Variants in SMARCA2 observed in about 807,000 individuals in gnomAD.
The protein encoded by SMARCA2 is SWI/SNF-related matrix-associated actin-dependent regulator of chromatin subfamily A member 2.
Under a neutral mutation model 199.8 loss-of-function variants are expected in SMARCA2, and 61 were observed. That is an observed-to-expected ratio of 0.31 (90% CI 0.25 to 0.38). The LOEUF (loss-of-function observed/expected upper bound fraction) is 0.38, where lower values mean the gene tolerates loss of function less well. Among genes scored for constraint, SMARCA2 ranks in the 10% least tolerant of loss-of-function variants. SMARCA2 has a pLI of 1.00. For synonymous variants in SMARCA2, 935 were observed against 732.0 expected, an observed-to-expected ratio of 1.28 and a Z score of -4.48; for missense variants, 1,344 against 2,012.2, an observed-to-expected ratio of 0.67 and a Z score of 6.35.
rs1471084152 is a variant in SMARCA2 at position 2,169,020 on chromosome 9, A to G, written c.4200-1399A>G. ...ATTCGGAGATGACATGGTCTACTTA[A>G]GCTTCTGTGTCTCCTTGGTCAGCAC... On this transcript the variant is annotated intron_variant, in intron 28 of 33. Transcript: ENST00000349721. The surrounding 1 kb of genome is among the most constrained non-coding windows in gnomAD (Gnocchi z 6.5). 2.0e-5 allele frequency among the ~76,000 whole-genome samples: 3 copies of G among 152,182 alleles called. No individual in the cohort carries two copies. The highest frequency in any genetic ancestry group is 4.4e-5 in the Non-Finnish European group (3 of 68,036).
At position 2,116,031 on chromosome 9, in the gene SMARCA2, G is replaced by C. The variant is rs1444146990; in HGVS notation, c.3666G>C (p.Glu1222Asp). 6.2e-7 allele frequency: 1 copy of C among 1,613,746 alleles called. No homozygotes were observed. The change falls in exon 25 of 34, where the codon GAG becomes GAC. Residue 1222 changes from glutamate (E) to aspartate (D), a missense_variant. Coordinates refer to ENST00000349721, the MANE Select transcript of SMARCA2 (RefSeq NM_003070.5). ...GGGCATTCCTGCAGGCCATCTTGGAGCATGAGGAGGAAAATGAGGTATTAG... is the reference window on the plus strand; with the variant it reads ...GGGCATTCCTGCAGGCCATCTTGGACCATGAGGAGGAAAATGAGGTATTAG... The part of the protein sequence containing the change: ...ERRAFLQAIL[E>D]HEEENEEEDE...
intron 19 of SMARCA2, among the ~76,000 whole-genome samples, chr9:2,094,112 A>G (rs1370529497): frequency 3.3e-5 from 5 of 152,190 alleles, no homozygotes; most frequent in African/African-American, 1.2e-4. Context: ...AAGACTAAGT[A>G]AGGATATCCC....
At chr9:2,120,067 T>A (rs1014154283) in intron 26 of SMARCA2, among the ~76,000 whole-genome samples, 1 of 152,232 alleles carries the variant, frequency 6.6e-6, no homozygotes, top group Non-Finnish European at 1.5e-5. Flanking sequence ...GTGTGCCTTT[T>A]CAGATTGTTG....
At chr9:2,064,205 T>A (rs1314468085) in intron 9 of SMARCA2, among the ~76,000 whole-genome samples, 1 of 152,252 alleles carries the variant, frequency 6.6e-6, no homozygotes, top group African/African-American at 2.4e-5. Context: ...ATTGGACCAC[T>A]GTCTGAGTCG....
intron 1 of SMARCA2, among the ~76,000 whole-genome samples, chr9:2,023,675 C>A (rs973771479): frequency 6.6e-6 from 1 of 152,148 alleles, no homozygotes. Context: ...AAGGAAACTT[C>A]GGGTAGATTT....
At chr9:2,064,317 A>G (rs1478004703) in intron 9 of SMARCA2, among the ~76,000 whole-genome samples, 3 of 152,236 alleles carry the variant, frequency 2.0e-5, no homozygotes, top group Admixed American at 2.0e-4. Context: ...ATCTATTACC[A>G]TAGTGCTTCA....
chr9:2,092,422 G>A lies in SMARCA2; in HGVS notation c.2883+3809G>A, dbSNP rs142765159. Reference sequence around the variant, plus strand: ...CTTTGTTCCTCTCTCATGCCATAGCGTTTAGAACCTGAGACTTTTCATAAA... The same window carrying A: ...CTTTGTTCCTCTCTCATGCCATAGCATTTAGAACCTGAGACTTTTCATAAA... On this transcript the variant is annotated intron_variant, in intron 19 of 33. Transcript: ENST00000349721. Among the ~76,000 whole-genome samples, 76 of 152,240 alleles carry A rather than the reference G, an allele frequency of 5.0e-4. 1 individual carries two copies. The East Asian group carries it at 0.014, about 28-fold the overall frequency.
chr9:2,022,462 T>C (rs929310666), intron 1 of SMARCA2, among the ~76,000 whole-genome samples: 1 of 152,236 alleles, frequency 6.6e-6, no homozygotes, highest in Admixed American at 6.5e-5. Flanking sequence ...TTAATGGCTA[T>C]TATCCATTTT....
chr9:2,189,608 T>G (rs564281150), intron 32 of SMARCA2, among the ~76,000 whole-genome samples: 9 of 152,196 alleles, frequency 5.9e-5, no homozygotes, highest in East Asian at 3.9e-4. Flanking sequence ...TTTTCATTAG[T>G]AGGTAGGCCT....
At chr9:2,129,167 C>G (rs1368148454) in intron 27 of SMARCA2, among the ~76,000 whole-genome samples, 2 of 152,140 alleles carry the variant, frequency 1.3e-5, no homozygotes, top group African/African-American at 4.8e-5. Context: ...GCCTGTAATC[C>G]CAGCAGTTTG....
chr9:2,083,131 G>T (rs1821641520), intron 15 of SMARCA2, among the ~76,000 whole-genome samples: 1 of 151,804 alleles, frequency 6.6e-6, no homozygotes, highest in Admixed American at 6.6e-5. Context: ...TTTCTTACAA[G>T]ATTTTTTTAT....
chr9:2,102,861 C>G (rs1822584916), intron 22 of SMARCA2, among the ~76,000 whole-genome samples: 1 of 152,012 alleles, frequency 6.6e-6, no homozygotes, highest in South Asian at 2.1e-4. Context: ...TTCAGTATAG[C>G]TCATAGAGCC....
At chr9:2,037,438 A>G (rs1178129914) in intron 3 of SMARCA2, among the ~76,000 whole-genome samples, 1 of 152,224 alleles carries the variant, frequency 6.6e-6, no homozygotes, top group Non-Finnish European at 1.5e-5. Flanking sequence ...ATTCTCCTGA[A>G]TAGAGTTCTA....
In SMARCA2 at chr9:2,073,070, C is replaced by G. The variant is rs1267363010; in HGVS notation, c.1747-142C>G. The G allele has an allele frequency of 5.4e-6, 5 of 934,234 alleles. No homozygotes were observed. The East Asian group carries it at 1.0e-4, about 19-fold the overall frequency. 57.9% of individuals were successfully genotyped at this position (934,234 alleles called of 1,614,324 possible). On this transcript the variant is annotated intron_variant, in intron 10 of 33. Coordinates refer to ENST00000349721, the MANE Select transcript of SMARCA2 (RefSeq NM_003070.5). The stretch of plus-strand genomic sequence containing the variant: ...TGGGAGGTAGCCTCTCACCTCCCAC[C>G]AACACTCATTAGGTAGTGAAATTTC...
intron 2 of SMARCA2, among the ~76,000 whole-genome samples, chr9:2,030,153 TC>T (rs1190517164): frequency 2.0e-5 from 3 of 152,196 alleles, no homozygotes; most frequent in Non-Finnish European, 4.4e-5. Context: ...GTAGGTGTAT[TC>T]ATTAGGATTC....
chr9:2,109,233 C>T (rs1258931942), intron 23 of SMARCA2, among the ~76,000 whole-genome samples: 3 of 152,138 alleles, frequency 2.0e-5, no homozygotes, highest in Non-Finnish European at 4.4e-5. Flanking sequence ...CAGAGACTGT[C>T]ATGTAACATG....
intron 27 of SMARCA2, among the ~76,000 whole-genome samples, chr9:2,139,854 TA>T (rs1482418986): frequency 6.6e-6 from 1 of 152,206 alleles, no homozygotes; most frequent in Non-Finnish European, 1.5e-5. Flanking sequence ...GCCCCTCTCA[TA>T]ATCCTAACCT....
chr9:2,175,306 C>T (rs562509285), intron 29 of SMARCA2, among the ~76,000 whole-genome samples: 16 of 142,394 alleles, frequency 1.1e-4, no homozygotes, highest in East Asian at 4.2e-4. Context: ...TGCTTGTCCC[C>T]GCCCCCCCCC....
Position 2,060,815 on chromosome 9 carries a change from G to C in SMARCA2, c.1522-1G>C. ...TCATCCTGCTCTTCTTTCCTTAATA[G>C]GCTGAAGATGAGGAGGGTTATAGAA... On this transcript the variant is annotated splice_acceptor_variant, in intron 8 of 33. Coordinates refer to ENST00000349721, the MANE Select transcript of SMARCA2 (RefSeq NM_003070.5). LOFTEE classifies it high-confidence loss of function. 1 of 1,613,450 alleles carries C rather than the reference G, an allele frequency of 6.2e-7. No homozygotes were observed. The highest frequency in any genetic ancestry group is 8.5e-7 in the Non-Finnish European group (1 of 1,179,606).
Sources: gnomAD v4.1 joint callset for allele counts (sites outside exome capture counted in the v4.1 genomes callset) on GRCh38, gnomAD v4.1.1 for gene constraint, Gnocchi (gnomAD v3.1) non-coding constraint, MANE v1.5 for transcripts, NCBI Gene and HGNC (gene_info 2026-07-23, HGNC 2026-07-21) for gene names.